Variants in ZXDC observed in about 807,000 individuals in gnomAD.
ZXDC encodes the protein ZXD family zinc finger C.
In ZXDC, 58 loss-of-function variants were observed where a neutral mutation model predicts 63.6. That is an observed-to-expected ratio of 0.91 (90% CI 0.74 to 1.13). The LOEUF (loss-of-function observed/expected upper bound fraction) is 1.13, where lower values mean the gene tolerates loss of function less well. Ranked by LOEUF, ZXDC falls within the 50% of genes most tolerant of loss-of-function variation. ZXDC has a pLI of 0.00. For synonymous variants in ZXDC, 561 were observed against 496.1 expected (o/e 1.13, Z -1.74); for missense variants, 1,133 against 1,148.9 (o/e 0.99, Z 0.20).
intron 5 of ZXDC, among the ~76,000 whole-genome samples, chr3:126,462,696 T>C (rs901087066): frequency 6.6e-6 from 1 of 152,130 alleles, no homozygotes; most frequent in Non-Finnish European, 1.5e-5. Context: ...TCTGAGGATA[T>C]TTTCCGAATC....
chr3:126,469,116 G>T (rs2107656263), intron 4 of ZXDC, among the ~76,000 whole-genome samples: 1 of 152,292 alleles, frequency 6.6e-6, no homozygotes, highest in East Asian at 1.9e-4. Context: ...TCAAGTGTTT[G>T]TCCGAGGCCC....
intron 7 of ZXDC, chr3:126,442,764 C>T (rs1933731974): frequency 6.6e-6 from 1 of 152,244 alleles, no homozygotes; most frequent in Non-Finnish European, 1.5e-5. Flanking sequence ...TCTGCCCACA[C>T]ATCCCTGCCT....
intron 7 of ZXDC, chr3:126,453,509 T>A (rs1934190587): frequency 1.0e-6 from 1 of 985,330 alleles, no homozygotes; most frequent in African/African-American, 1.7e-5. Flanking sequence ...TACATAATAG[T>A]TGGCTTACAC....
intron 8 of ZXDC, chr3:126,441,057 G>A (rs561765376): frequency 4.1e-6 from 4 of 985,492 alleles, no homozygotes; most frequent in South Asian, 9.4e-5. Context: ...GCCCCGGCTT[G>A]TATATCTCTT....
chr3:126,439,850 C>A, intron 8 of ZXDC, 123 bp from the exon 9 acceptor site: 1 of 1,448,680 alleles, frequency 6.9e-7, no homozygotes, highest in Non-Finnish European at 9.0e-7. Context: ...CCCTGTATTC[C>A]AAGGGAGGCC....
chr3:126,458,666 T>C (rs1161458453), intron 7 of ZXDC: 5 of 985,288 alleles, frequency 5.1e-6, no homozygotes, highest in Non-Finnish European at 4.8e-6. Flanking sequence ...ACTTGAATGT[T>C]TGTCTCTTTT....
At chr3:126,440,151 G>A (rs4679118) in intron 8 of ZXDC, 44,831 of 1,009,810 alleles carry the variant, frequency 0.044, 1,032 homozygotes, top group Middle Eastern at 0.05. Context: ...GCTTGCCTAC[G>A]GGCCAGCTGG....
chr3:126,470,794 C>T (rs904274354), intron 4 of ZXDC, 101 bp downstream of exon 4: 13 of 1,513,604 alleles, frequency 8.6e-6, no homozygotes, highest in Non-Finnish European at 1.2e-5. Context: ...TTGAGTCAGT[C>T]TTTAAGCAGC....
rs1934570196 is a variant in ZXDC, at chr3:126,462,020, A to G, written c.1642T>C (p.Ser548Pro). 6.2e-7 allele frequency: 1 copy of G among 1,613,964 alleles called. No individual in the cohort carries two copies. Among genetic ancestry groups the G allele is most frequent in the African/African-American group, 1.3e-5 (1 of 74,874 alleles). Reference protein sequence around the residue: ...LTIDVTSVSSSLGGNLPANNS... With the variant: ...LTIDVTSVSSPLGGNLPANNS... ...TTAGCAGGGAGGTTCCCTCCCAGAG[A>G]GGAGCTCACAGAAGTGACGTCAATA... Residue 548 changes from serine to proline, a missense_variant, in exon 6 of 10, where the codon TCT becomes CCT. Coordinates refer to ENST00000389709, the MANE Select transcript of ZXDC (RefSeq NM_025112.5).
At chr3:126,464,938 G>C (rs1934697258) in intron 5 of ZXDC, among the ~76,000 whole-genome samples, 1 of 152,206 alleles carries the variant, frequency 6.6e-6, no homozygotes, top group South Asian at 2.1e-4. Flanking sequence ...CCCAAGGAGG[G>C]GCTTCATGAC....
At chr3:126,460,228 G>T in intron 6 of ZXDC, 1 of 842,006 alleles carries the variant, frequency 1.2e-6, no homozygotes, top group Non-Finnish European at 1.4e-6. Flanking sequence ...AATAATGATG[G>T]TACTGAATTC....
In ZXDC at chr3:126,438,303, G is replaced by A; in HGVS notation, c.*72C>T. 7.6e-7 allele frequency: 1 copy of A among 1,319,846 alleles called. No homozygotes were observed. The highest frequency in any genetic ancestry group is 1.1e-6 in the Non-Finnish European group (1 of 932,174). 81.8% of individuals were successfully genotyped at this position (1,319,846 alleles called of 1,614,324 possible). On this transcript the variant is annotated 3_prime_UTR_variant, in exon 10 of 10. Transcript: ENST00000389709. ...CGGAAACCAAATGAGGTCTCCCCAG[G>A]CTCATGTCATGAGTCTCAGGGAAGG...
At chr3:126,466,059 GCCTT>G in intron 5 of ZXDC, 92 bp downstream of exon 5, 1 of 1,420,116 alleles carries the variant, frequency 7.0e-7, no homozygotes, top group Non-Finnish European at 9.6e-7. Flanking sequence ...ACTGCCTGAC[GCCTT>G]CCAAGAGGTG....
At position 126,462,033 on chromosome 3, in the gene ZXDC, A is replaced by G. The variant is rs1401915889; in HGVS notation, c.1629T>C (p.Thr543=). 6.2e-7 allele frequency: 1 copy of G among 1,614,090 alleles called. No homozygotes were observed. The highest frequency in any genetic ancestry group is 1.1e-5 in the South Asian group (1 of 91,078). ...TCCCTCCCAGAGAGGAGCTCACAGAAGTGACGTCAATAGTCAGGATTCCGG... is the reference window on the plus strand; with the variant it reads ...TCCCTCCCAGAGAGGAGCTCACAGAGGTGACGTCAATAGTCAGGATTCCGG... ...LNSGILTIDV[T]SVSSSLGGNL... Residue 543 remains threonine (T), a synonymous_variant, in exon 6 of 10, where the codon ACT becomes ACC. Coordinates refer to ENST00000389709, the MANE Select transcript of ZXDC (RefSeq NM_025112.5).
intron 6 of ZXDC, chr3:126,461,185 A>G: frequency 6.8e-6 from 7 of 1,026,422 alleles, no homozygotes; most frequent in Non-Finnish European, 8.2e-6. Flanking sequence ...CTCCTCTTCT[A>G]GGACTGGTCA....
At chr3:126,445,192 T>C (rs1019708217) in intron 7 of ZXDC, among the ~76,000 whole-genome samples, 1 of 152,180 alleles carries the variant, frequency 6.6e-6, no homozygotes, top group Non-Finnish European at 1.5e-5. Context: ...CGTCTAGGGA[T>C]AAAAAGTCAA....
intron 5 of ZXDC, 52 bp downstream of exon 5, chr3:126,466,103 C>A: frequency 1.9e-6 from 3 of 1,575,096 alleles, no homozygotes; most frequent in South Asian, 2.3e-5. Context: ...TGGCACTGTT[C>A]CCGTTTCTCA....
intron 7 of ZXDC, chr3:126,453,611 G>A (rs1044366172): frequency 1.2e-5 from 12 of 985,322 alleles, no homozygotes; most frequent in Admixed American, 6.1e-5. Flanking sequence ...AAAGCTGAAC[G>A]TGCAGGGAAG....
intron 8 of ZXDC, chr3:126,440,632 C>A: frequency 2.0e-6 from 2 of 986,488 alleles, no homozygotes; most frequent in Non-Finnish European, 2.4e-6. Context: ...GGTCCTCCCC[C>A]TCCCCCTGCC....
Sources: gnomAD v4.1 joint callset for allele counts (sites outside exome capture counted in the v4.1 genomes callset) on GRCh38, gnomAD v4.1.1 for gene constraint, MANE v1.5 for transcripts, NCBI Gene and HGNC (gene_info 2026-07-23, HGNC 2026-07-21) for gene names.